The following NCLN variants were observed in gnomAD, a reference collection of about 807,000 sequenced individuals.
NCLN encodes BOS complex subunit NCLN.
A neutral mutation model predicts 69.5 loss-of-function variants in NCLN; 34 were observed. The ratio of observed to expected loss-of-function variants is 0.49; its 90% CI spans 0.37 to 0.65. The LOEUF (loss-of-function observed/expected upper bound fraction) is 0.65, where lower values mean the gene tolerates loss of function less well. Among genes scored for constraint, NCLN ranks in the 30% least tolerant of loss-of-function variants. The pLI is 0.00. For missense variants in NCLN, 710 were observed against 804.8 expected (o/e 0.88, Z 1.42); for synonymous variants, 393 against 358.3 (o/e 1.10, Z -1.09).
intron 4 of NCLN, among the ~76,000 whole-genome samples, chr19:3,196,792 G>T (rs13382069): frequency 6.6e-6 from 1 of 152,222 alleles, no homozygotes; most frequent in African/African-American, 2.4e-5. Context: ...AGCCTGTGTC[G>T]CTGCTGCTGC....
At chr19:3,187,039 ACC>A (rs1030207551) in intron 1 of NCLN, among the ~76,000 whole-genome samples, 157 of 150,524 alleles carry the variant, frequency 1.0e-3, no homozygotes, top group African/African-American at 3.7e-3. Context: ...GTTCCCTTTG[ACC>A]CCCTTTCTGT....
chr19:3,199,510 A>G (rs1916065864), intron 5 of NCLN, among the ~76,000 whole-genome samples: 1 of 152,084 alleles, frequency 6.6e-6, no homozygotes, highest in Non-Finnish European at 1.5e-5. Context: ...TGTGTAAACC[A>G]TGGTGTTTGC....
rs770959188 is a variant in NCLN at position 3,198,506 on chromosome 19, CA to C, written c.616-294del. 5.0e-3 allele frequency among the ~76,000 whole-genome samples: 386 copies of C among 76,714 alleles called. 1 individual carries two copies. Among genetic ancestry groups the C allele is most frequent in the African/African-American group, 0.015 (277 of 19,072 alleles). The allele number at this position is 76,714 out of a possible 152,430, so 50.3% of individuals were successfully genotyped here. ...TGGGCGACAGAGTGAGATTCCGTCT[CA>C]AAAAAAAAAAAAAAAACACAAACAA... On this transcript the variant is annotated intron_variant, in intron 4 of 14. Transcript: ENST00000246117.
chr19:3,189,888 G>A (rs1915768092), intron 1 of NCLN, among the ~76,000 whole-genome samples: 1 of 152,246 alleles, frequency 6.6e-6, no homozygotes, highest in Non-Finnish European at 1.5e-5. Flanking sequence ...GCGAGGCGGG[G>A]CTCCGATGGG....
chr19:3,200,298 T>C (rs909045704), intron 5 of NCLN, among the ~76,000 whole-genome samples: 1 of 149,382 alleles, frequency 6.7e-6, no homozygotes, highest in Non-Finnish European at 1.5e-5. Context: ...GTTTTAAATT[T>C]ATTTTATTTA....
chr19:3,197,205 G>T (rs1007755394), intron 4 of NCLN, among the ~76,000 whole-genome samples: 1 of 152,268 alleles, frequency 6.6e-6, no homozygotes, highest in Admixed American at 6.5e-5. Context: ...TCACTCCACA[G>T]TGGCACAGGC....
At chr19:3,186,883 C>T (rs11671796) in intron 1 of NCLN, among the ~76,000 whole-genome samples, 6 of 151,984 alleles carry the variant, frequency 3.9e-5, no homozygotes, top group Non-Finnish European at 8.8e-5. Context: ...TTTTCTCGCT[C>T]TAGTCACCGG....
At chr19:3,202,110 CT>C (rs1229450418) in intron 6 of NCLN, among the ~76,000 whole-genome samples, 2 of 152,132 alleles carry the variant, frequency 1.3e-5, no homozygotes, top group African/African-American at 4.8e-5. Context: ...TGAGACCCCC[CT>C]GGGTTAGGGA....
At chr19:3,192,356 G>T (rs940837809) in intron 1 of NCLN, 114 bp from the exon 2 acceptor site, 3 of 837,380 alleles carry the variant, frequency 3.6e-6, no homozygotes, top group Middle Eastern at 3.4e-4. Flanking sequence ...GGTCTTCCAG[G>T]TTGTGGGCTG....
chr19:3,193,241 C>A, intron 2 of NCLN, 43 bp from the exon 3 acceptor site: 1 of 1,542,356 alleles, frequency 6.5e-7, no homozygotes, highest in Non-Finnish European at 8.7e-7. Context: ...CCTTGCCACC[C>A]CCACCAGGCC....
At chr19:3,197,761 C>T (rs1916006099) in intron 4 of NCLN, among the ~76,000 whole-genome samples, 2 of 152,062 alleles carry the variant, frequency 1.3e-5, no homozygotes, top group Admixed American at 1.3e-4. Flanking sequence ...GCTGGGATTA[C>T]AGGTGCCCGC....
rs182139911 is a variant in NCLN at position 3,201,636 on chromosome 19, G to A, written c.800+10G>A. 7.2e-4 allele frequency: 1,101 copies of A among 1,526,558 alleles called. 8 individuals carry two copies. Among genetic ancestry groups the A allele is most frequent in the Middle Eastern group, 5.5e-3 (24 of 4,354 alleles). 94.6% of individuals were successfully genotyped at this position (1,526,558 alleles called of 1,614,324 possible). On this transcript the variant is annotated intron_variant, in intron 6 of 14. Transcript: ENST00000246117. ...AGCGCACGCACGCCGCGTGAGTGCC[G>A]GGGTGGGCAGGGGGATGGGGGTGCG... is the stretch of plus-strand genomic sequence containing the variant.
intron 1 of NCLN, among the ~76,000 whole-genome samples, chr19:3,186,602 T>C (rs998322017): frequency 1.1e-4 from 16 of 152,178 alleles, no homozygotes; most frequent in Admixed American, 2.0e-4. Flanking sequence ...GGCTTCCTGG[T>C]CCGGGCTCAC....
chr19:3,203,124 C>T (rs1233090216), intron 6 of NCLN, among the ~76,000 whole-genome samples: 4 of 152,166 alleles, frequency 2.6e-5, no homozygotes, highest in Middle Eastern at 6.8e-3. Context: ...ACCTGCCTAA[C>T]GTGTTGAAAC....
rs1361575316 is a variant in NCLN, at chr19:3,208,764, G to A, written c.*1076G>A. The A allele has an allele frequency of 1.3e-5, 2 of 152,428 alleles. No homozygotes were observed. Among genetic ancestry groups the A allele is most frequent in the Non-Finnish European group, 2.9e-5 (2 of 68,192 alleles). 9.4% of individuals were successfully genotyped at this position (152,428 alleles called of 1,614,324 possible). A position where few individuals can be genotyped will look rare whatever the true frequency, so the allele number is the denominator to read the frequency against. ...TGTGTTCGGGGTGGGGGCGTCAGGT[G>A]AGAACGTTTGCTGGGAAGGAGAGGA... On this transcript the variant is annotated 3_prime_UTR_variant, in exon 15 of 15. Coordinates refer to ENST00000246117, the MANE Select transcript of NCLN (RefSeq NM_020170.4).
chr19:3,206,038 G>T lies in NCLN; in HGVS notation c.1296+12G>T. ...ACCTGACAGAGAAGGTGAGCCCTGA[G>T]CCCTCTGTGCCGCCAGACCCAGCCC... On this transcript the variant is annotated intron_variant, in intron 10 of 14. Transcript: ENST00000246117. 1 of 1,611,848 alleles carries T rather than the reference G, an allele frequency of 6.2e-7. No homozygotes were observed. Among genetic ancestry groups the T allele is most frequent in the Non-Finnish European group, 8.5e-7 (1 of 1,179,878 alleles).
At chr19:3,202,241 G>A (rs1257230148) in intron 6 of NCLN, among the ~76,000 whole-genome samples, 3 of 152,176 alleles carry the variant, frequency 2.0e-5, no homozygotes, top group African/African-American at 4.8e-5. Context: ...TGAATCCCAG[G>A]AGCTGGGGTC....
At chr19:3,186,413 C>A (rs375072212) in intron 1 of NCLN, among the ~76,000 whole-genome samples, 199 bp downstream of exon 1, 2 of 152,026 alleles carry the variant, frequency 1.3e-5, no homozygotes, top group Non-Finnish European at 2.9e-5. Flanking sequence ...GCCCAGGGAC[C>A]CCCCGCGCTC....
intron 4 of NCLN, among the ~76,000 whole-genome samples, chr19:3,197,778 G>T (rs137995278): frequency 6.6e-6 from 1 of 152,110 alleles, no homozygotes; most frequent in African/African-American, 2.4e-5. Context: ...CCGCCACCAC[G>T]GCCAGCTAAT....
Sources: allele counts gnomAD v4.1 joint callset (sites outside exome capture counted in the v4.1 genomes callset), GRCh38; gene constraint gnomAD v4.1.1; transcripts MANE v1.5; gene names NCBI Gene and HGNC (gene_info 2026-07-23, HGNC 2026-07-21).